The following CATSPERD variants were observed in gnomAD, a reference collection of about 807,000 sequenced individuals.
CATSPERD encodes the protein cation channel sperm-associated auxiliary subunit delta.
A neutral mutation model predicts 98.1 loss-of-function variants in CATSPERD; 86 were observed. That is an observed-to-expected ratio of 0.88 (90% confidence interval 0.74 to 1.05). The LOEUF is 1.05. CATSPERD is among the 50% of genes least tolerant of loss of function. The pLI is 0.00. For missense variants in CATSPERD, 995 were observed against 1,005.7 expected, an observed-to-expected ratio of 0.99 and a Z score of 0.14; for synonymous variants, 394 against 390.2, an observed-to-expected ratio of 1.01 and a Z score of -0.12.
chr19:5,757,745 T>G (rs2056352978), intron 13 of CATSPERD, 98 bp from the exon 14 acceptor site: 1 of 863,652 alleles, frequency 1.2e-6, no homozygotes, highest in African/African-American at 1.7e-5. Flanking sequence ...CCAGCCCTGA[T>G]TTTTCATTTG....
In CATSPERD at chr19:5,736,432, C is replaced by G. The variant is rs372987405; in HGVS notation, c.392-706C>G. ...GAGAAACCCTGTTCTGAACTTTTCT[C>G]CAGGCTGGGCGCGGTGGCTCATGCC... On this transcript the variant is annotated intron_variant, in intron 5 of 21. Transcript: ENST00000381624. Among the ~76,000 whole-genome samples, 23 of 152,178 alleles carry G rather than the reference C, an allele frequency of 1.5e-4. No homozygotes were observed. In the East Asian group the frequency reaches 3.9e-3, roughly 26 times the overall value.
chr19:5,777,317 G>C (rs372432528), intron 21 of CATSPERD, among the ~76,000 whole-genome samples: 6 of 152,232 alleles, frequency 3.9e-5, no homozygotes, highest in African/African-American at 1.4e-4. Flanking sequence ...CCACCAGAGA[G>C]AGGAGACATG....
intron 17 of CATSPERD, among the ~76,000 whole-genome samples, chr19:5,766,793 A>T (rs1205302849): frequency 6.6e-6 from 1 of 151,122 alleles, no homozygotes; most frequent in Non-Finnish European, 1.5e-5. Flanking sequence ...CCCAGGTTCA[A>T]GTGATTCTCC....
At chr19:5,733,441 CT>C (rs1232029781) in intron 4 of CATSPERD, among the ~76,000 whole-genome samples, 2 of 147,208 alleles carry the variant, frequency 1.4e-5, no homozygotes, top group South Asian at 4.3e-4. Context: ...TCCTTTCTTT[CT>C]TTCTTTCTCT....
chr19:5,766,263 C>G, intron 17 of CATSPERD, 108 bp downstream of exon 17: 1 of 573,226 alleles, frequency 1.7e-6, no homozygotes, highest in Non-Finnish European at 2.7e-6. Context: ...CCAGCCTGGC[C>G]AACATGGCGA....
At chr19:5,759,652 C>G (rs546064063) in intron 15 of CATSPERD, among the ~76,000 whole-genome samples, 1 of 151,544 alleles carries the variant, frequency 6.6e-6, no homozygotes, top group South Asian at 2.1e-4. Flanking sequence ...TATTTGCACA[C>G]CTGTGCTCAC....
rs151289635 is a variant in CATSPERD at position 5,720,843 on chromosome 19, G to A, written c.71+35G>A. On this transcript the variant is annotated intron_variant, in intron 1 of 21. Coordinates refer to ENST00000381624, the MANE Select transcript of CATSPERD (RefSeq NM_152784.4). ...CCAGGACTCCTGGGGCTGGGGTGCT[G>A]CCGGGGGTCGGGAGGGTGCTGGTTC... 1.0e-3 allele frequency: 1,600 copies of A among 1,568,720 alleles called. 14 individuals carry two copies. The African/African-American group carries it at 0.019, about 19-fold the overall frequency.
At chr19:5,775,919 T>C (rs1568378467) in intron 20 of CATSPERD, among the ~76,000 whole-genome samples, 1 of 152,096 alleles carries the variant, frequency 6.6e-6, no homozygotes, top group African/African-American at 2.4e-5. Context: ...ACGGAGTTGA[T>C]CACCACCCTC....
At position 5,769,210 on chromosome 19, in the gene CATSPERD, C is replaced by G. The variant is rs181401717; in HGVS notation, c.1634+968C>G. Among the ~76,000 whole-genome samples, 22 of 149,584 alleles carry G rather than the reference C, an allele frequency of 1.5e-4. No individual in the cohort carries two copies. The East Asian group carries it at 3.9e-3, about 27-fold the overall frequency. On this transcript the variant is annotated intron_variant, in intron 18 of 21. Transcript: ENST00000381624. ...GGAGGCTGGGTGCAGTGGCTCACAC[C>G]TGTAATCCCAACACTTTGGAAGGCT...
intron 3 of CATSPERD, among the ~76,000 whole-genome samples, chr19:5,728,359 AAAAAAAAAAAAAAAAG>A (rs985792286): frequency 8.9e-5 from 13 of 145,742 alleles, no homozygotes; most frequent in African/African-American, 3.1e-4. Flanking sequence ...TCTGTCTCAA[AAAAAAAAAAAAAAAAG>A]AAAAAGAAAA....
intron 1 of CATSPERD, 122 bp downstream of exon 1, chr19:5,720,930 A>G: frequency 1.3e-6 from 1 of 741,528 alleles, no homozygotes; most frequent in Non-Finnish European, 2.1e-6. Context: ...CTTTTTAGGA[A>G]TCGAACTTGA....
chr19:5,778,247 G>A (rs2056767879), intron 21 of CATSPERD, 129 bp from the exon 22 acceptor site: 4 of 617,562 alleles, frequency 6.5e-6, no homozygotes, highest in South Asian at 6.3e-5. Context: ...GGAAACAGAA[G>A]TGGGTATACC....
Position 5,776,187 on chromosome 19 carries a change from C to G in CATSPERD, c.1968C>G (p.Asn656Lys). ...RENYVSCHDP[N>K]NNAPLRWPDV... ...ACTATGTGAGCTGCCACGACCCCAA[C>G]AACAATGCCCCTTTGAGGTGGCCAG... is the stretch of plus-strand genomic sequence containing the variant. The change falls in exon 21 of 22, where the codon AAC (asparagine) becomes AAG (lysine). Residue 656 changes from asparagine to lysine, a missense_variant. Physicochemically the swap from Asn to Lys is moderately conservative, Grantham distance 94. Coordinates refer to ENST00000381624, the MANE Select transcript of CATSPERD (RefSeq NM_152784.4). 1 of 1,614,238 alleles carries G rather than the reference C, an allele frequency of 6.2e-7. No homozygotes were observed. The highest frequency in any genetic ancestry group is 8.5e-7 in the Non-Finnish European group (1 of 1,180,040).
chr19:5,768,474 C>G (rs2056585563), intron 18 of CATSPERD, among the ~76,000 whole-genome samples: 1 of 151,822 alleles, frequency 6.6e-6, no homozygotes, highest in South Asian at 2.1e-4. Flanking sequence ...GTAGTTGGGA[C>G]TACAGGTTCC....
In CATSPERD at chr19:5,770,953, C is replaced by A. The variant is rs758776815; in HGVS notation, c.1644C>A (p.Tyr548Ter). 6 of 1,607,580 alleles carry A rather than the reference C, an allele frequency of 3.7e-6. No homozygotes were observed. Among genetic ancestry groups the A allele is most frequent in the Middle Eastern group, 1.7e-4 (1 of 6,002 alleles). The change falls in exon 19 of 22, where the codon TAC becomes TAA. Residue 548 changes from tyrosine (Y) to a stop codon, truncating the protein, a stop_gained. Transcript: ENST00000381624. LOFTEE classifies it high-confidence loss of function. ...NYSFIIEKEF[Y>*]DPGFQGQQSS... The stretch of plus-strand genomic sequence containing the variant: ...TCTTGGTGTCTTGAAGGGAATTCTA[C>A]GACCCCGGCTTCCAGGGGCAGCAGT...
chr19:5,733,818 G>C, intron 4 of CATSPERD, 38 bp from the exon 5 acceptor site: 1 of 1,323,588 alleles, frequency 7.6e-7, no homozygotes, highest in Non-Finnish European at 1.1e-6. Flanking sequence ...TGTTTGAAAA[G>C]ATGCTCTCAT....
intron 2 of CATSPERD, among the ~76,000 whole-genome samples, chr19:5,725,770 G>A (rs1357402997): frequency 2.0e-5 from 3 of 151,702 alleles, no homozygotes; most frequent in Non-Finnish European, 4.4e-5. Context: ...GTACGGTGGC[G>A]CATGCCTGTA....
At position 5,778,509 on chromosome 19, in the gene CATSPERD, C is replaced by T; in HGVS notation, c.2230C>T (p.Pro744Ser). Residue 744 changes from proline (P) to serine (S), a missense_variant, in exon 22 of 22, where the codon CCC (proline) becomes TCC (serine). Coordinates refer to ENST00000381624, the MANE Select transcript of CATSPERD (RefSeq NM_152784.4). The stretch of plus-strand genomic sequence containing the variant: ...GTCCGTTTGGCTGGCCTACAAGACC[C>T]CCAAGCTGCTACGCACAGCACGCGG... Reference protein sequence around the residue: ...LGSVWLAYKTPKLLRTARGRR... With the variant: ...LGSVWLAYKTSKLLRTARGRR... 6.2e-7 allele frequency: 1 copy of T among 1,614,034 alleles called. No individual in the cohort carries two copies.
chr19:5,720,803 C>A lies in CATSPERD; in HGVS notation c.66C>A (p.Leu22=). 1 of 1,599,920 alleles carries A rather than the reference C, an allele frequency of 6.3e-7. No individual in the cohort carries two copies. The highest frequency in any genetic ancestry group is 1.3e-5 in the African/African-American group (1 of 74,986). The change falls in exon 1 of 22, where the codon CTC becomes CTA. Residue 22 remains leucine, a synonymous_variant. Transcript: ENST00000381624. ...MWLRPLVTAQ[L]CRSRTVRTGK... is the part of the protein sequence containing the mutation. ...TCCGACCGCTGGTCACAGCTCAGCT[C>A]TGTCGGTGGGGCTGCCAGGACTCCT...
Sources: allele counts gnomAD v4.1 joint callset (sites outside exome capture counted in the v4.1 genomes callset), GRCh38; gene constraint gnomAD v4.1.1; transcripts MANE v1.5; gene names NCBI Gene and HGNC (gene_info 2026-07-23, HGNC 2026-07-21).